Variants in FGD3 observed in about 807,000 individuals in gnomAD.
The protein encoded by FGD3 is FYVE, RhoGEF and PH domain containing 3.
Under a neutral mutation model 71.8 loss-of-function variants are expected in FGD3, and 45 were observed. That is an observed-to-expected ratio of 0.63 (90% CI 0.49 to 0.80). FGD3 has a LOEUF of 0.80. FGD3 is among the 30% of genes least tolerant of loss of function. The probability of loss-of-function intolerance (pLI) is 0.00; values close to 1 mark genes in which losing one functional copy is unlikely to be tolerated. For missense variants in FGD3, 844 were observed against 951.5 expected (o/e 0.89, Z 1.49); for synonymous variants, 378 against 392.8 (o/e 0.96, Z 0.44).
chr9:92,956,122 T>C (rs1859046448), intron 1 of FGD3, among the ~76,000 whole-genome samples: 1 of 150,606 alleles, frequency 6.6e-6, no homozygotes, highest in Non-Finnish European at 1.5e-5. Context: ...CTGGGAGTTT[T>C]GTTTGTTTGT....
At chr9:93,029,343 C>T (rs1862266410) in intron 14 of FGD3, among the ~76,000 whole-genome samples, 1 of 152,168 alleles carries the variant, frequency 6.6e-6, no homozygotes, top group South Asian at 2.1e-4. Context: ...GTCCAGCCTC[C>T]CCCTAAAATG....
In FGD3 at chr9:93,020,497, G is replaced by A. The variant is rs376551260; in HGVS notation, c.1494+73G>A. The A allele has an allele frequency of 4.1e-4, 549 of 1,328,562 alleles. 2 individuals carry two copies. The highest frequency in any genetic ancestry group is 3.1e-3 in the South Asian group (252 of 80,798). The allele number at this position is 1,328,562 out of a possible 1,614,324, so 82.3% of individuals were successfully genotyped here. A position where few individuals can be genotyped will look rare whatever the true frequency, so the allele number is the denominator to read the frequency against. The stretch of plus-strand genomic sequence containing the variant: ...CCTGTGGAGAGCAGAAGGCACTGGC[G>A]TCTGGGTGGGCAGCTTGACCTCCAG... On this transcript the variant is annotated intron_variant, in intron 13 of 17. Transcript: ENST00000375482.
chr9:93,017,998 C>T, intron 10 of FGD3, 138 bp from the exon 11 acceptor site: 1 of 782,058 alleles, frequency 1.3e-6, no homozygotes, highest in African/African-American at 1.7e-5. Context: ...CCTCTGCACC[C>T]CTCTCCCTGC....
At chr9:93,021,993 G>A (rs954557442) in intron 13 of FGD3, among the ~76,000 whole-genome samples, 5 of 152,192 alleles carry the variant, frequency 3.3e-5, no homozygotes, top group African/African-American at 1.2e-4. Context: ...GAACCCTGGA[G>A]GATGAGAGAG....
At position 92,947,581 on chromosome 9, in the gene FGD3, C is replaced by T. The variant is rs566175100; in HGVS notation, c.-366C>T. ...CGGCCCTCCAGGTCCCCAAGGAGACCCCAGCCTCCTGCTGCCCACTGTGAG... is the reference window on the plus strand; with the variant it reads ...CGGCCCTCCAGGTCCCCAAGGAGACTCCAGCCTCCTGCTGCCCACTGTGAG... On this transcript the variant is annotated 5_prime_UTR_variant, in exon 1 of 18. Transcript: ENST00000375482. The T allele has an allele frequency of 6.5e-6, 1 of 152,694 alleles. No homozygotes were observed. The highest frequency in any genetic ancestry group is 6.5e-5 in the Admixed American group (1 of 15,308). 9.5% of individuals were successfully genotyped at this position (152,694 alleles called of 1,614,324 possible).
chr9:93,030,330 G>A (rs111944840), intron 15 of FGD3, among the ~76,000 whole-genome samples: 50 of 152,298 alleles, frequency 3.3e-4, no homozygotes, highest in African/African-American at 1.0e-3. Context: ...TATTGGAGAC[G>A]GGTGAAGGGT....
At chr9:92,951,917 C>A (rs1564137958) in intron 1 of FGD3, among the ~76,000 whole-genome samples, 1 of 152,154 alleles carries the variant, frequency 6.6e-6, no homozygotes, top group Non-Finnish European at 1.5e-5. Context: ...ATGCCTCTGT[C>A]CCCCAGCTCC....
chr9:93,017,151 C>A (rs1013746001), intron 10 of FGD3, among the ~76,000 whole-genome samples: 3 of 152,064 alleles, frequency 2.0e-5, no homozygotes. Flanking sequence ...ATCTCTATTC[C>A]CAGCTACTTG....
chr9:93,025,586 A>C (rs1035080300), intron 14 of FGD3, among the ~76,000 whole-genome samples: 2 of 152,192 alleles, frequency 1.3e-5, no homozygotes, highest in African/African-American at 2.4e-5. Flanking sequence ...CCAAACTTCA[A>C]CTTACTTCCT....
At chr9:92,947,769 G>C (rs1222613926) in intron 1 of FGD3, 40 bp downstream of exon 1, 2 of 152,362 alleles carry the variant, frequency 1.3e-5, no homozygotes, top group Admixed American at 6.5e-5. Context: ...ATTTTCGCTT[G>C]TTTCAGGTGG....
intron 6 of FGD3, 37 bp downstream of exon 6, chr9:93,006,217 T>C (rs758508221): frequency 1.3e-6 from 2 of 1,494,686 alleles, no homozygotes; most frequent in Admixed American, 2.3e-5. Context: ...ACAGATGTTC[T>C]CAAGATGCAC....
chr9:92,988,462 A>C (rs984408753), intron 3 of FGD3, among the ~76,000 whole-genome samples: 9 of 152,134 alleles, frequency 5.9e-5, no homozygotes, highest in African/African-American at 2.2e-4. Context: ...ATCTATCAAG[A>C]CCATCACCTG....
In FGD3 at chr9:93,022,409, C is replaced by G. The variant is rs751926543; in HGVS notation, c.1557+20C>G. On this transcript the variant is annotated intron_variant, in intron 14 of 17. Coordinates refer to ENST00000375482, the MANE Select transcript of FGD3 (RefSeq NM_001083536.2). ...GCAGGGGTAAGTGCCCCATGCTCAG[C>G]GGTCAGCAGGGGTGAAAGGCAGAGC... 1 of 1,609,210 alleles carries G rather than the reference C, an allele frequency of 6.2e-7. No individual in the cohort carries two copies. Among genetic ancestry groups the G allele is most frequent in the Non-Finnish European group, 8.5e-7 (1 of 1,177,264 alleles).
At chr9:93,025,343 T>A (rs1169523494) in intron 14 of FGD3, among the ~76,000 whole-genome samples, 1 of 152,154 alleles carries the variant, frequency 6.6e-6, no homozygotes, top group East Asian at 1.9e-4. Context: ...GCCCAGGGCC[T>A]CCCTACGAAC....
At chr9:92,968,929 C>T (rs1859434856) in intron 1 of FGD3, among the ~76,000 whole-genome samples, 3 of 152,158 alleles carry the variant, frequency 2.0e-5, no homozygotes, top group Admixed American at 1.3e-4. Flanking sequence ...AATTGACTGC[C>T]ATTGGGCATT....
intron 14 of FGD3, among the ~76,000 whole-genome samples, chr9:93,022,945 C>T (rs1259020247): frequency 6.6e-6 from 1 of 152,142 alleles, no homozygotes; most frequent in African/African-American, 2.4e-5. Flanking sequence ...ACTGTGTCCA[C>T]GCGCCCGCCT....
chr9:92,976,119 A>C, intron 2 of FGD3, 89 bp from the exon 3 acceptor site: 1 of 764,672 alleles, frequency 1.3e-6, no homozygotes, highest in Non-Finnish European at 2.1e-6. Context: ...GGCGGAGGGT[A>C]CTGCCTGGGA....
In FGD3 at chr9:93,019,814, C is replaced by A. The variant is rs1231483125; in HGVS notation, c.1356-17C>A. The A allele has an allele frequency of 6.2e-7, 1 of 1,613,258 alleles. No individual in the cohort carries two copies. Among genetic ancestry groups the A allele is most frequent in the Non-Finnish European group, 8.5e-7 (1 of 1,179,432 alleles). On this transcript the variant is annotated splice_polypyrimidine_tract_variant and intron_variant, in intron 11 of 17. Transcript: ENST00000375482. ...TATCCAAGACTGGATTAATACAAGA[C>A]CGTTTTGGTTTTTTAGGACAGAGGA... is the stretch of plus-strand genomic sequence containing the variant.
At chr9:93,016,997 G>A (rs1027043145) in intron 10 of FGD3, among the ~76,000 whole-genome samples, 4 of 152,210 alleles carry the variant, frequency 2.6e-5, no homozygotes, top group African/African-American at 9.6e-5. Context: ...ACGTAGTTTC[G>A]CTGGCTCACG....
Sources: gnomAD v4.1 joint callset for allele counts (sites outside exome capture counted in the v4.1 genomes callset) on GRCh38, gnomAD v4.1.1 for gene constraint, MANE v1.5 for transcripts, NCBI Gene and HGNC (gene_info 2026-07-23, HGNC 2026-07-21) for gene names.